Variants in VPS13D observed in about 807,000 individuals in gnomAD.
VPS13D encodes the protein intermembrane lipid transfer protein VPS13D.
VPS13D carries 187 observed loss-of-function variants against 461.9 expected under a neutral mutation model. The observed-to-expected ratio is 0.40, with a 90% CI of 0.36 to 0.46. The LOEUF (loss-of-function observed/expected upper bound fraction) is 0.46, where lower values mean the gene tolerates loss of function less well. VPS13D is among the 20% of genes least tolerant of loss of function. The pLI is 0.60. For synonymous variants in VPS13D, 1,951 were observed against 1,986.3 expected (o/e 0.98, Z 0.47); for missense variants, 4,711 against 5,364.9 (o/e 0.88, Z 3.81).
Position 12,329,864 on chromosome 1 carries a change from G to T in VPS13D, c.8233G>T (p.Glu2745Ter), listed in dbSNP as rs1643285451. ...TCTTCAGCGTGTAAGAACTAGCCCT[G>T]AAGGCTATGCCCACTTCACCCTTTC... ...NFLQRVRTSPEGYAHFTLSGD... is the reference protein window; with the variant it reads ...NFLQRVRTSP The change falls in exon 37 of 70, where the codon GAA becomes TAA. Residue 2745 changes from glutamate (E) to a stop codon, truncating the protein, a stop_gained. Transcript: ENST00000620676. LOFTEE classifies it high-confidence loss of function. 6.2e-7 allele frequency: 1 copy of T among 1,614,026 alleles called. No homozygotes were observed. Among genetic ancestry groups the T allele is most frequent in the Admixed American group, 1.7e-5 (1 of 60,012 alleles).
intron 60 of VPS13D, among the ~76,000 whole-genome samples, chr1:12,393,226 A>C (rs1187439033): frequency 6.6e-6 from 1 of 152,238 alleles, no homozygotes; most frequent in African/African-American, 2.4e-5. Context: ...AATCTGCATA[A>C]TGTCATCAGT....
Position 12,275,948 on chromosome 1 carries a change from A to T in VPS13D, c.2360A>T (p.Asn787Ile). The T allele has an allele frequency of 6.2e-7, 1 of 1,614,034 alleles. No homozygotes were observed. Among genetic ancestry groups the T allele is most frequent in the Non-Finnish European group, 8.5e-7 (1 of 1,180,014 alleles). ...NTPPPESSSS[N>I]GEKTPPFSGV... Reference sequence around the variant, plus strand: ...CCACCTCCCGAGTCAAGCAGCAGCAACGGAGAGAAAACACCTCCCTTTTCT... The same window carrying T: ...CCACCTCCCGAGTCAAGCAGCAGCATCGGAGAGAAAACACCTCCCTTTTCT... Residue 787 changes from asparagine to isoleucine, a missense_variant, in exon 19 of 70, where the codon AAC (asparagine) becomes ATC (isoleucine). Physicochemically the swap from Asn to Ile is moderately radical, Grantham distance 149. Transcript: ENST00000620676.
intron 24 of VPS13D, among the ~76,000 whole-genome samples, chr1:12,297,546 T>C (rs1290124611): frequency 6.6e-6 from 1 of 152,214 alleles, no homozygotes; most frequent in African/African-American, 2.4e-5. Flanking sequence ...TTCCCTTGAC[T>C]CAGTTATAGT....
At chr1:12,401,734 G>T (rs1644584179) in intron 62 of VPS13D, 30 bp downstream of exon 62, 2 of 1,578,844 alleles carry the variant, frequency 1.3e-6, no homozygotes, top group Middle Eastern at 1.7e-4. Context: ...GTCTGTGTTT[G>T]GGAATTGGTC....
At chr1:12,381,104 AC>A (rs1347789886) in intron 57 of VPS13D, among the ~76,000 whole-genome samples, 1 of 152,174 alleles carries the variant, frequency 6.6e-6, no homozygotes. Flanking sequence ...CTTGTTAGTG[AC>A]AGTATAATAA....
At chr1:12,234,489 G>A (rs1182734805) in intron 2 of VPS13D, 126 bp downstream of exon 2, 3 of 618,774 alleles carry the variant, frequency 4.8e-6, no homozygotes, top group East Asian at 5.7e-5. Context: ...ATGTAAAAAG[G>A]TCCCATATCA....
intron 67 of VPS13D, among the ~76,000 whole-genome samples, chr1:12,492,604 G>A (rs1034441261): frequency 1.3e-5 from 2 of 152,188 alleles, no homozygotes; most frequent in African/African-American, 4.8e-5. Flanking sequence ...GGATTATCTT[G>A]TTAAGTGAAC....
chr1:12,385,120 A>AC, intron 58 of VPS13D, 140 bp from the exon 59 acceptor site: 2 of 661,668 alleles, frequency 3.0e-6, no homozygotes, highest in South Asian at 4.1e-5. Flanking sequence ...ATCTTACCTT[A>AC]CCAGTGCTTT....
chr1:12,456,804 C>T (rs926689680), intron 66 of VPS13D, among the ~76,000 whole-genome samples: 32 of 152,178 alleles, frequency 2.1e-4, no homozygotes, highest in African/African-American at 7.5e-4. Context: ...CATTGCAATT[C>T]CTTTTCGTTC....
chr1:12,276,667 A>C lies in VPS13D; in HGVS notation c.3079A>C (p.Ser1027Arg), dbSNP rs1382680558. Residue 1027 changes from serine (S) to arginine (R), a missense_variant, in exon 19 of 70, where the codon AGC (serine) becomes CGC (arginine). By Grantham distance (110) the Ser-to-Arg change is moderately radical (BLOSUM62 -1). Around this residue, in one of 3 missense-constraint regions of VPS13D, gnomAD observed 4,411 missense variants for 4,937.8 expected, o/e 0.89. Coordinates refer to ENST00000620676, the MANE Select transcript of VPS13D (RefSeq NM_015378.4). This position sits in a 1 kb window ranked among gnomAD's most constrained non-coding sequence, Gnocchi z 4.5. ...DLLMASHKNLSFDIPTGSLRD... is the reference protein window; with the variant it reads ...DLLMASHKNLRFDIPTGSLRD... ...TTTGATGGCTTCACATAAGAACTTG[A>C]GCTTTGATATTCCAACGGGAAGCCT... 3.7e-6 allele frequency: 6 copies of C among 1,613,986 alleles called. No homozygotes were observed. The highest frequency in any genetic ancestry group is 5.1e-6 in the Non-Finnish European group (6 of 1,180,020).
intron 2 of VPS13D, among the ~76,000 whole-genome samples, chr1:12,236,247 G>C (rs1640143848): frequency 6.6e-6 from 1 of 152,066 alleles, no homozygotes; most frequent in African/African-American, 2.4e-5. Context: ...ATCACAGAGC[G>C]TGGCCAGAAC....
At chr1:12,392,126 T>C (rs976929033) in intron 60 of VPS13D, among the ~76,000 whole-genome samples, 1 of 152,078 alleles carries the variant, frequency 6.6e-6, no homozygotes, top group Non-Finnish European at 1.5e-5. Flanking sequence ...CCTCCCAGGG[T>C]CCTGGGATTA....
chr1:12,506,872 A>G lies in VPS13D; in HGVS notation c.12814A>G (p.Ile4272Val), dbSNP rs199640103. The change falls in exon 69 of 70, where the codon ATT becomes GTT. Residue 4272 changes from isoleucine to valine, a missense_variant. Ile to Val is a conservative substitution (Grantham distance 29). Transcript: ENST00000620676. ...QDEFFIAVENIDSYCVLISSK... is the reference protein window; with the variant it reads ...QDEFFIAVENVDSYCVLISSK... ...TTGCAGCTTCATCGCTGTGGAGAAC[A>G]TTGACAGCTACTGCGTGCTCATCTC... The G allele has an allele frequency of 1.2e-6, 2 of 1,614,248 alleles. No individual in the cohort carries two copies. The highest frequency in any genetic ancestry group is 3.3e-5 in the Admixed American group (2 of 60,038).
intron 67 of VPS13D, among the ~76,000 whole-genome samples, chr1:12,464,506 A>G (rs1030127622): frequency 8.5e-5 from 13 of 152,228 alleles, no homozygotes. Context: ...CCATCTGAAA[A>G]GTGGCCTTAC....
Position 12,345,390 on chromosome 1 carries a change from C to G in VPS13D, c.8902C>G (p.Arg2968Gly), listed in dbSNP as rs780958371. The change falls in exon 43 of 70, where the codon CGG (arginine) becomes GGG (glycine). Residue 2968 changes from arginine to glycine, a missense_variant. Transcript: ENST00000620676. ...KLRHRHTHDL[R>G]IHQLQVRVNG... ...GCCTGACAGACACACCCATGACCTC[C>G]GGATTCATCAACTGCAAGTGAGAGT... 6.2e-7 allele frequency: 1 copy of G among 1,612,814 alleles called. No individual in the cohort carries two copies. The highest frequency in any genetic ancestry group is 1.7e-5 in the Admixed American group (1 of 60,016).
At chr1:12,363,618 T>C (rs890580742) in intron 52 of VPS13D, among the ~76,000 whole-genome samples, 2 of 152,228 alleles carry the variant, frequency 1.3e-5, no homozygotes, top group African/African-American at 4.8e-5. Flanking sequence ...GTAAATCATC[T>C]GGCTTTCTAC....
At chr1:12,254,388 A>G (rs1447872866) in intron 7 of VPS13D, among the ~76,000 whole-genome samples, 3 of 152,096 alleles carry the variant, frequency 2.0e-5, no homozygotes, top group African/African-American at 7.2e-5. Context: ...TGAATCTTAA[A>G]GAGGAACTTT....
chr1:12,442,320 T>G (rs1645141121), intron 65 of VPS13D, among the ~76,000 whole-genome samples: 4 of 152,236 alleles, frequency 2.6e-5, no homozygotes, highest in Admixed American at 2.6e-4. Context: ...TATTATATAT[T>G]TTATACATTG....
intron 40 of VPS13D, among the ~76,000 whole-genome samples, chr1:12,339,966 T>C (rs1359578832): frequency 6.6e-6 from 1 of 152,202 alleles, no homozygotes; most frequent in Non-Finnish European, 1.5e-5. Flanking sequence ...TGGCTCACAG[T>C]GGGATATGAA....
Sources: gnomAD v4.1 joint callset for allele counts (sites outside exome capture counted in the v4.1 genomes callset) on GRCh38, gnomAD v4.1.1 for gene constraint, gnomAD v4.1.1 regional missense constraint, Gnocchi (gnomAD v3.1) non-coding constraint, MANE v1.5 for transcripts, NCBI Gene and HGNC (gene_info 2026-07-23, HGNC 2026-07-21) for gene names.